CSMD1: variants seen among roughly 807,000 people sequenced by gnomAD.
CSMD1 encodes the protein CUB and sushi domain-containing protein 1.
In CSMD1, 213 loss-of-function variants were observed where a neutral mutation model predicts 417.5. The observed-to-expected ratio is 0.51, with a 90% CI of 0.46 to 0.57. The LOEUF is 0.57. Ranked by LOEUF, CSMD1 falls within the 20% of genes least tolerant of loss-of-function variation. The probability of loss-of-function intolerance (pLI) is 0.00; values close to 1 mark genes in which losing one functional copy is unlikely to be tolerated. For missense variants in CSMD1, 6,923 were observed against 4,529.7 expected, an observed-to-expected ratio of 1.53 and a Z score of -15.17; for synonymous variants, 2,862 against 1,736.8, an observed-to-expected ratio of 1.65 and a Z score of -16.11.
At chr8:3,763,013 G>A (rs1798094503) in intron 5 of CSMD1, among the ~76,000 whole-genome samples, 1 of 152,160 alleles carries the variant, frequency 6.6e-6, no homozygotes, top group Non-Finnish European at 1.5e-5. Context: ...GACACTTGGT[G>A]ATTTGTATAG....
chr8:4,112,732 A>T (rs939140401), intron 3 of CSMD1, among the ~76,000 whole-genome samples: 10 of 152,210 alleles, frequency 6.6e-5, no homozygotes, highest in Admixed American at 5.9e-4. Flanking sequence ...TTACATGTTT[A>T]AAAATATTAA....
chr8:4,196,414 C>T (rs890214652), intron 3 of CSMD1, among the ~76,000 whole-genome samples: 1 of 152,056 alleles, frequency 6.6e-6, no homozygotes, highest in Admixed American at 6.6e-5. Context: ...AAAATCAAGG[C>T]GTTTTCAGGC....
intron 5 of CSMD1, among the ~76,000 whole-genome samples, chr8:3,767,177 C>T (rs748656760): frequency 2.6e-5 from 4 of 152,234 alleles, no homozygotes; most frequent in African/African-American, 4.8e-5. Context: ...TCTTAGGTCA[C>T]GCTGCCATCG....
chr8:4,095,322 T>A (rs556545269), intron 3 of CSMD1, among the ~76,000 whole-genome samples: 1 of 152,344 alleles, frequency 6.6e-6, no homozygotes, highest in African/African-American at 2.4e-5. Flanking sequence ...GATATAACAT[T>A]TGCCACATTA....
At chr8:3,651,714 G>C (rs551449329) in intron 7 of CSMD1, among the ~76,000 whole-genome samples, 2 of 151,450 alleles carry the variant, frequency 1.3e-5, no homozygotes, top group Non-Finnish European at 2.9e-5. Context: ...CACCATCACA[G>C]TGCTTACCAG....
At chr8:3,078,258 T>A (rs1166441609) in intron 49 of CSMD1, among the ~76,000 whole-genome samples, 1 of 152,220 alleles carries the variant, frequency 6.6e-6, no homozygotes, top group Admixed American at 6.5e-5. Context: ...TTACCCTTTT[T>A]GAACACTTCC....
At chr8:3,808,849 G>A (rs3947709) in intron 5 of CSMD1, among the ~76,000 whole-genome samples, 17 of 152,284 alleles carry the variant, frequency 1.1e-4, no homozygotes, top group African/African-American at 3.4e-4. Flanking sequence ...AAAGGAAAGC[G>A]CAGCCCTTAG....
intron 3 of CSMD1, among the ~76,000 whole-genome samples, chr8:4,340,367 A>C (rs1404532794): frequency 6.6e-6 from 1 of 152,032 alleles, no homozygotes; most frequent in African/African-American, 2.4e-5. Context: ...CCCTAGTTAA[A>C]AATGTAGAAA....
At chr8:4,607,997 A>G (rs1050885225) in intron 2 of CSMD1, among the ~76,000 whole-genome samples, 4 of 152,120 alleles carry the variant, frequency 2.6e-5, no homozygotes, top group African/African-American at 9.7e-5. Flanking sequence ...CAGTGGTCAG[A>G]GAAGGCATCA....
At chr8:3,987,388 A>T (rs569964712) in intron 5 of CSMD1, among the ~76,000 whole-genome samples, 2 of 152,320 alleles carry the variant, frequency 1.3e-5, no homozygotes, top group East Asian at 3.9e-4. Flanking sequence ...ATATGCCATG[A>T]TAACGACTAA....
In CSMD1 at chr8:4,302,288, G is replaced by C. The variant is rs183889910; in HGVS notation, c.415+117665C>G. Among the ~76,000 whole-genome samples, 403 of 152,234 alleles carry C rather than the reference G, an allele frequency of 2.6e-3. 3 individuals are homozygous for C. The highest frequency in any genetic ancestry group is 9.4e-3 in the African/African-American group (390 of 41,552). ...GGGAAAATAGGTAAGAGATATCCTT[G>C]GAATGGTTTTCCTTAACTCATTAGC... On this transcript the variant is annotated intron_variant, in intron 3 of 69. Transcript: ENST00000635120.
chr8:4,113,224 C>A (rs185465726), intron 3 of CSMD1, among the ~76,000 whole-genome samples: 44 of 152,108 alleles, frequency 2.9e-4, no homozygotes, highest in Non-Finnish European at 5.6e-4. Context: ...CCTACAGTGG[C>A]TCCTATGTGT....
At chr8:2,998,583 T>A (rs563911955) in intron 53 of CSMD1, among the ~76,000 whole-genome samples, 80 of 152,340 alleles carry the variant, frequency 5.3e-4, no homozygotes, top group African/African-American at 1.9e-3. Context: ...TGTGAAACCC[T>A]CCTTTTGAGA....
At chr8:3,018,733 A>C (rs1809089321) in intron 51 of CSMD1, 83 bp from the exon 52 acceptor site, 3 of 1,261,626 alleles carry the variant, frequency 2.4e-6, no homozygotes, top group Non-Finnish European at 2.2e-6. Flanking sequence ...AAAAACAAAC[A>C]AAAAAAACCA....
chr8:4,500,644 G>A (rs1399830236), intron 2 of CSMD1, among the ~76,000 whole-genome samples: 1 of 152,158 alleles, frequency 6.6e-6, no homozygotes, highest in Non-Finnish European at 1.5e-5. Context: ...GGACGAAAGT[G>A]AGAGGTGTTA....
intron 3 of CSMD1, among the ~76,000 whole-genome samples, chr8:4,156,204 G>C (rs1252734716): frequency 1.3e-5 from 2 of 152,144 alleles, no homozygotes; most frequent in African/African-American, 2.4e-5. Flanking sequence ...TCTGGACTGG[G>C]ATCACTGTGA....
intron 5 of CSMD1, among the ~76,000 whole-genome samples, chr8:3,935,990 C>T (rs1298432062): frequency 6.6e-6 from 1 of 152,082 alleles, no homozygotes; most frequent in East Asian, 1.9e-4. Flanking sequence ...AGTGCTATTT[C>T]AGTGAATGCA....
chr8:3,336,076 T>C (rs1030020861), intron 23 of CSMD1, among the ~76,000 whole-genome samples: 4 of 152,098 alleles, frequency 2.6e-5, no homozygotes, highest in African/African-American at 9.7e-5. Context: ...GTAACTGAAG[T>C]TAGAAAAAAA....
intron 3 of CSMD1, among the ~76,000 whole-genome samples, chr8:4,120,166 C>T (rs988910376): frequency 1.3e-5 from 2 of 151,898 alleles, no homozygotes; most frequent in African/African-American, 4.8e-5. Flanking sequence ...TCTCACGTAC[C>T]CCATAAATAT....
Sources: gnomAD v4.1 joint callset for allele counts (sites outside exome capture counted in the v4.1 genomes callset) on GRCh38, gnomAD v4.1.1 for gene constraint, MANE v1.5 for transcripts, NCBI Gene and HGNC (gene_info 2026-07-23, HGNC 2026-07-21) for gene names.